Variants in ANK3 observed in about 807,000 individuals in gnomAD.
ANK3 encodes ankyrin-3.
A neutral mutation model predicts 370.9 loss-of-function variants in ANK3; 57 were observed. That is an observed-to-expected ratio of 0.15 (90% CI 0.12 to 0.19). The LOEUF (loss-of-function observed/expected upper bound fraction) is 0.19. ANK3 is among the 10% of genes least tolerant of loss of function. ANK3 has a pLI of 1.00. For synonymous variants in ANK3, 1,929 were observed against 1,946.3 expected (o/e 0.99, Z 0.23); for missense variants, 4,439 against 5,302.1 (o/e 0.84, Z 5.06).
intron 36 of ANK3, among the ~76,000 whole-genome samples, chr10:60,079,099 C>T (rs1173958581): frequency 3.3e-5 from 5 of 150,428 alleles, no homozygotes; most frequent in African/African-American, 1.2e-4. Context: ...CTGAGGATCT[C>T]TAGGGCAAAA....
At chr10:60,547,719 C>T (rs762551794) in intron 2 of ANK3, among the ~76,000 whole-genome samples, 3 of 147,980 alleles carry the variant, frequency 2.0e-5, no homozygotes, top group Non-Finnish European at 4.5e-5. Context: ...AGAGAAGGGG[C>T]GGGAGGTGGG....
intron 8 of ANK3, among the ~76,000 whole-genome samples, chr10:60,214,608 G>A (rs961241086): frequency 2.6e-5 from 4 of 152,012 alleles, no homozygotes; most frequent in Non-Finnish European, 5.9e-5. Context: ...GAGAACATGA[G>A]GTATTTGGTT....
chr10:60,415,410 C>T (rs1019633154), intron 2 of ANK3, among the ~76,000 whole-genome samples: 6 of 152,264 alleles, frequency 3.9e-5, no homozygotes, highest in African/African-American at 9.6e-5. Flanking sequence ...AAATGACCAG[C>T]GGGAACTACT....
intron 7 of ANK3, among the ~76,000 whole-genome samples, chr10:60,254,607 AG>A (rs2097710985): frequency 6.6e-6 from 1 of 152,214 alleles, no homozygotes; most frequent in African/African-American, 2.4e-5. Flanking sequence ...CTGTCTTCCA[AG>A]GTCATCTACA....
chr10:60,249,814 A>G (rs747103835), intron 7 of ANK3, among the ~76,000 whole-genome samples: 18 of 152,102 alleles, frequency 1.2e-4, no homozygotes, highest in Admixed American at 2.0e-4. Context: ...CTGCCCACTG[A>G]GCACCGTGCT....
intron 42 of ANK3, among the ~76,000 whole-genome samples, chr10:60,047,042 C>T (rs996127368): frequency 2.0e-5 from 3 of 152,070 alleles, no homozygotes; most frequent in South Asian, 4.1e-4. Flanking sequence ...CTCCTGACCT[C>T]GTGATCCACC....
In ANK3 at chr10:60,145,815, C is replaced by T. The variant is rs189864423; in HGVS notation, c.2615-6728G>A. Among the ~76,000 whole-genome samples the T allele has an allele frequency of 2.6e-5, 4 of 152,220 alleles. No homozygotes were observed. In the East Asian group the frequency reaches 7.7e-4, roughly 29 times the overall value. On this transcript the variant is annotated intron_variant, in intron 23 of 43. Coordinates refer to ENST00000280772, the MANE Select transcript of ANK3 (RefSeq NM_020987.5). ...AATCAAAATGTAAGCTCCTTGAGGG[C>T]AAGGGGGCTTTGTCTGTTTTGCTTC...
intron 27 of ANK3, among the ~76,000 whole-genome samples, chr10:60,107,276 G>A (rs568711362): frequency 2.1e-3 from 312 of 152,132 alleles, no homozygotes; most frequent in Non-Finnish European, 3.8e-3. Context: ...ATTTACCAGA[G>A]TTTTTAACTA....
At chr10:60,136,207 T>C (rs2094334689) in intron 24 of ANK3, among the ~76,000 whole-genome samples, 1 of 152,066 alleles carries the variant, frequency 6.6e-6, no homozygotes, top group South Asian at 2.1e-4. Context: ...AACTCAACAC[T>C]GTCCAACAGA....
intron 1 of ANK3, among the ~76,000 whole-genome samples, chr10:60,357,963 C>G (rs1000265675): frequency 2.0e-5 from 3 of 152,126 alleles, no homozygotes; most frequent in African/African-American, 7.2e-5. Context: ...CTGGGCTTCT[C>G]TTGCCCTCTC....
chr10:60,387,602 G>C (rs1402078280), intron 1 of ANK3, among the ~76,000 whole-genome samples: 1 of 152,232 alleles, frequency 6.6e-6, no homozygotes, highest in Non-Finnish European at 1.5e-5. Flanking sequence ...CTCTGTGAGT[G>C]TCCTGAGAAC....
chr10:60,631,352 C>T (rs970679230), intron 1 of ANK3, among the ~76,000 whole-genome samples: 1 of 151,958 alleles, frequency 6.6e-6, no homozygotes, highest in African/African-American at 2.4e-5. Context: ...CCAAGTAAAA[C>T]CCCATCTCTA....
At chr10:60,249,639 A>T (rs965650033) in intron 7 of ANK3, among the ~76,000 whole-genome samples, 23 of 152,332 alleles carry the variant, frequency 1.5e-4, no homozygotes, top group Admixed American at 1.5e-3. Context: ...TGAAGTTTCT[A>T]AAGAAAGATG....
At chr10:60,368,613 G>A (rs1309884139) in intron 1 of ANK3, among the ~76,000 whole-genome samples, 1 of 152,144 alleles carries the variant, frequency 6.6e-6, no homozygotes, top group Non-Finnish European at 1.5e-5. Context: ...AATTAAAATA[G>A]AGCCAAATGA....
chr10:60,597,944 T>C (rs892586165), intron 2 of ANK3, among the ~76,000 whole-genome samples: 126 of 152,350 alleles, frequency 8.3e-4, no homozygotes, highest in Admixed American at 4.5e-3. Flanking sequence ...GGTTCCTTTT[T>C]CTGAACTTCA....
chr10:60,101,897 C>T (rs1050369804), intron 28 of ANK3, among the ~76,000 whole-genome samples: 11 of 152,016 alleles, frequency 7.2e-5, no homozygotes, highest in Admixed American at 6.6e-4. Flanking sequence ...ATATATGTGG[C>T]TCTTTTGTTC....
intron 5 of ANK3, 46 bp from the exon 6 acceptor site, chr10:60,264,066 C>CT (rs781097823): frequency 4.6e-6 from 7 of 1,506,966 alleles, no homozygotes; most frequent in Admixed American, 2.0e-5. Flanking sequence ...TGAATATTTT[C>CT]TTTTTTATTA....
chr10:60,145,876 G>A (rs1448323833), intron 23 of ANK3: 1 of 686,406 alleles, frequency 1.5e-6, no homozygotes, highest in African/African-American at 1.8e-5. Context: ...GCACATAGTA[G>A]GTGCTCAATA....
chr10:60,226,513 AG>A (rs1421099611), intron 8 of ANK3, among the ~76,000 whole-genome samples: 18 of 51,818 alleles, frequency 3.5e-4, no homozygotes, highest in Non-Finnish European at 3.0e-4. Flanking sequence ...ATATATACAT[AG>A]TATATATACT....
Sources: allele counts gnomAD v4.1 joint callset (sites outside exome capture counted in the v4.1 genomes callset), GRCh38; gene constraint gnomAD v4.1.1; transcripts MANE v1.5; gene names NCBI Gene and HGNC (gene_info 2026-07-23, HGNC 2026-07-21).